ZNF618: variants seen among roughly 807,000 people sequenced by gnomAD.
ZNF618 encodes the protein neural precursor cell expressed, developmentally down-regulated 10.
Under a neutral mutation model 103.0 loss-of-function variants are expected in ZNF618, and 34 were observed. That is an observed-to-expected ratio of 0.33 (90% CI 0.25 to 0.44). The LOEUF (loss-of-function observed/expected upper bound fraction) is 0.44, where lower values mean the gene tolerates loss of function less well. Among genes scored for constraint, ZNF618 ranks in the 20% least tolerant of loss-of-function variants. The probability of loss-of-function intolerance (pLI) is 1.00; values close to 1 mark genes in which losing one functional copy is unlikely to be tolerated. For missense variants in ZNF618, 1,059 were observed against 1,295.4 expected (o/e 0.82, Z 2.80); for synonymous variants, 551 against 542.2 (o/e 1.02, Z -0.23).
At chr9:114,015,831 A>C (rs1205724662) in intron 9 of ZNF618, among the ~76,000 whole-genome samples, 2 of 152,224 alleles carry the variant, frequency 1.3e-5, no homozygotes, top group African/African-American at 4.8e-5. Flanking sequence ...ATCAATATTT[A>C]TTGATTGGGC....
intron 1 of ZNF618, among the ~76,000 whole-genome samples, chr9:113,927,263 T>C (rs1833184073): frequency 6.6e-6 from 1 of 152,226 alleles, no homozygotes; most frequent in Non-Finnish European, 1.5e-5. Context: ...TGTGAGGTTT[T>C]ATGTTTATCA....
At chr9:114,008,692 G>A in intron 9 of ZNF618, 138 bp downstream of exon 9, 1 of 1,014,364 alleles carries the variant, frequency 9.9e-7, no homozygotes, top group Non-Finnish European at 1.5e-6. Context: ...CTGTCAGTTG[G>A]GCCAGTCAGT....
chr9:114,045,543 A>G (rs189069918), intron 13 of ZNF618, among the ~76,000 whole-genome samples: 2 of 152,034 alleles, frequency 1.3e-5, no homozygotes, highest in East Asian at 3.9e-4. Context: ...GTAGGTGCTT[A>G]TTTCTATATT....
intron 6 of ZNF618, among the ~76,000 whole-genome samples, chr9:114,004,440 A>G (rs1377652309): frequency 2.6e-5 from 4 of 152,160 alleles, no homozygotes; most frequent in African/African-American, 9.7e-5. Context: ...ACATTTAAAG[A>G]ACTTCCCTAT....
intron 6 of ZNF618, among the ~76,000 whole-genome samples, chr9:114,003,620 A>G (rs1841463001): frequency 6.6e-6 from 1 of 152,254 alleles, no homozygotes; most frequent in Admixed American, 6.5e-5. Flanking sequence ...TTCAGCCTCT[A>G]AGATTCTGCA....
intron 2 of ZNF618, among the ~76,000 whole-genome samples, chr9:113,971,231 A>G (rs1327060877): frequency 2.0e-5 from 3 of 151,982 alleles, no homozygotes; most frequent in Admixed American, 2.0e-4. Flanking sequence ...TGAAAGGGGC[A>G]TTAAGTTTGT....
rs1841267235 is a variant in ZNF618, at chr9:114,002,005, A to C, written c.443A>C (p.Glu148Ala). ...QALRYASGSY[E>A]CGICGKKYKY... is the part of the protein sequence containing the mutation. ...CTCTTCTGTTTTCCAGGGTCTTACG[A>C]ATGCGGAATCTGTGGCAAGAAGTAC... Residue 148 changes from glutamate (E) to alanine (A), a missense_variant, in exon 5 of 15, where the codon GAA becomes GCA. Glu to Ala is a moderately radical substitution (Grantham distance 107). Around this residue, in one of 6 missense-constraint regions of ZNF618, gnomAD observed 194 missense variants for 209.0 expected, o/e 0.93. Transcript: ENST00000374126. 1 of 1,613,788 alleles carries C rather than the reference A, an allele frequency of 6.2e-7. No individual in the cohort carries two copies. Among genetic ancestry groups the C allele is most frequent in the African/African-American group, 1.3e-5 (1 of 74,918 alleles).
intron 2 of ZNF618, among the ~76,000 whole-genome samples, chr9:113,971,710 C>T (rs1588193929): frequency 6.6e-6 from 1 of 152,270 alleles, no homozygotes; most frequent in African/African-American, 2.4e-5. Flanking sequence ...CGGTGGCTGC[C>T]TGAATCTCTG....
At chr9:113,901,639 C>T (rs1830559833) in intron 1 of ZNF618, among the ~76,000 whole-genome samples, 1 of 152,196 alleles carries the variant, frequency 6.6e-6, no homozygotes, top group African/African-American at 2.4e-5. Flanking sequence ...TGAGTGGAAG[C>T]TCCAGCCAGG....
rs919724440 is a variant in ZNF618, at chr9:113,955,374, C to A, written c.34-13743C>A. 4.6e-5 allele frequency among the ~76,000 whole-genome samples: 7 copies of A among 151,496 alleles called. No homozygotes were observed. In the East Asian group the frequency reaches 1.4e-3, roughly 30 times the overall value. ...AAATAGTCTGGTTGTCTAGATTTCT[C>A]AGCAGGCACCCATTGGGATGTGCAG... On this transcript the variant is annotated intron_variant, in intron 1 of 14. Transcript: ENST00000374126.
chr9:114,035,253 TG>T (rs904834622), intron 12 of ZNF618: 29 of 985,874 alleles, frequency 2.9e-5, no homozygotes, highest in Admixed American at 1.2e-4. Context: ...ATGGTCCCGT[TG>T]GGGGGCTGGA....
At chr9:113,893,166 G>A (rs909822286) in intron 1 of ZNF618, among the ~76,000 whole-genome samples, 4 of 152,342 alleles carry the variant, frequency 2.6e-5, no homozygotes, top group African/African-American at 7.2e-5. Context: ...CTGAGGTTGA[G>A]TGAGGTTAAG....
chr9:113,958,805 C>G (rs1421661440), intron 1 of ZNF618, among the ~76,000 whole-genome samples: 3 of 152,256 alleles, frequency 2.0e-5, no homozygotes, highest in African/African-American at 7.2e-5. Flanking sequence ...GCCAACCCTC[C>G]CTGGACTTTG....
rs1288045617 is a variant in ZNF618 at position 113,913,972 on chromosome 9, T to C, written c.33+37559T>C. ...CACACTGTGTCTTAGAAATTCACAGTGGCCATTGGGTCTTTAAAGGCTCTG... is the reference window on the plus strand; with the variant it reads ...CACACTGTGTCTTAGAAATTCACAGCGGCCATTGGGTCTTTAAAGGCTCTG... On this transcript the variant is annotated intron_variant, in intron 1 of 14. Transcript: ENST00000374126. 2.6e-5 allele frequency among the ~76,000 whole-genome samples: 4 copies of C among 152,138 alleles called. No individual in the cohort carries two copies. In the South Asian group the frequency reaches 8.3e-4, roughly 32 times the overall value.
chr9:113,984,669 C>A (rs1012905059), intron 2 of ZNF618, among the ~76,000 whole-genome samples: 4 of 152,210 alleles, frequency 2.6e-5, no homozygotes, highest in Admixed American at 2.6e-4. Context: ...GTGAAGAAAG[C>A]CGAGGTAAGG....
chr9:113,903,854 G>T (rs942086878), intron 1 of ZNF618, among the ~76,000 whole-genome samples: 6 of 151,602 alleles, frequency 4.0e-5, no homozygotes, highest in African/African-American at 1.5e-4. Flanking sequence ...CTACTTTTAG[G>T]ATTTTCTCCT....
At chr9:113,977,112 C>T (rs529541651) in intron 2 of ZNF618, among the ~76,000 whole-genome samples, 1 of 152,220 alleles carries the variant, frequency 6.6e-6, no homozygotes, top group Admixed American at 6.5e-5. Context: ...GTTGTCACGC[C>T]CCTAGTGCTA....
chr9:113,886,651 C>A lies in ZNF618; in HGVS notation c.33+10238C>A, dbSNP rs139603139. 4.5e-3 allele frequency among the ~76,000 whole-genome samples: 681 copies of A among 152,120 alleles called. 23 individuals carry two copies. Among genetic ancestry groups the A allele is most frequent in the Admixed American group, 0.041 (633 of 15,296 alleles). On this transcript the variant is annotated intron_variant, in intron 1 of 14. Transcript: ENST00000374126. ...ATGAGACCTCAGGGAAGAGAAACTTCCCTGGGGTGCTACTAGCCTTCGTTG... is the reference window on the plus strand; with the variant it reads ...ATGAGACCTCAGGGAAGAGAAACTTACCTGGGGTGCTACTAGCCTTCGTTG...
chr9:113,909,144 T>G (rs892555998), intron 1 of ZNF618, among the ~76,000 whole-genome samples: 1 of 152,034 alleles, frequency 6.6e-6, no homozygotes, highest in African/African-American at 2.4e-5. Context: ...CTCTCTGAGC[T>G]TGAGGTGCCT....
Sources: gnomAD v4.1 joint callset for allele counts (sites outside exome capture counted in the v4.1 genomes callset) on GRCh38, gnomAD v4.1.1 for gene constraint, gnomAD v4.1.1 regional missense constraint, MANE v1.5 for transcripts, NCBI Gene and HGNC (gene_info 2026-07-23, HGNC 2026-07-21) for gene names.